Variants in EXOC4 observed in about 807,000 individuals in gnomAD.
EXOC4 encodes SEC8-like 1.
Under a neutral mutation model 107.2 loss-of-function variants are expected in EXOC4, and 71 were observed. The ratio of observed to expected loss-of-function variants is 0.66; its 90% CI spans 0.55 to 0.81. The LOEUF is 0.81. Ranked by LOEUF, EXOC4 falls within the 30% of genes least tolerant of loss-of-function variation. EXOC4 has a pLI of 0.00. For synonymous variants in EXOC4, 456 were observed against 441.2 expected (o/e 1.03, Z -0.42); for missense variants, 1,108 against 1,189.6 (o/e 0.93, Z 1.01).
rs751783828 is a variant in EXOC4 at position 133,917,634 on chromosome 7, AGAT to A, written c.1930_1932del (p.Asp644del). The A allele has an allele frequency of 1.9e-6, 3 of 1,614,104 alleles. No homozygotes were observed. Among genetic ancestry groups the A allele is most frequent in the Admixed American group, 1.7e-5 (1 of 60,026 alleles). On this transcript the variant is annotated inframe_deletion, in exon 13 of 18. Coordinates refer to ENST00000253861, the MANE Select transcript of EXOC4 (RefSeq NM_021807.4). ...TTGTCATCAGTGCATCCTGGGCAAA[AGAT>A]GATGATATCAGCAGACTCTTGAAAT...
chr7:134,026,919 T>C (rs761733784), intron 17 of EXOC4, among the ~76,000 whole-genome samples: 2 of 152,210 alleles, frequency 1.3e-5, no homozygotes, highest in Non-Finnish European at 2.9e-5. Context: ...TCTGAAACTA[T>C]ACATGTAAGA....
At chr7:133,877,418 A>G (rs62470402) in intron 11 of EXOC4, among the ~76,000 whole-genome samples, 16,182 of 152,198 alleles carry the variant, frequency 0.11, 933 homozygotes, top group Middle Eastern at 0.17. Flanking sequence ...AACTTTGGGA[A>G]CACATTTAAG....
downstream of EXOC4, chr7:134,066,399 C>T (rs918308332): frequency 6.6e-6 from 1 of 152,064 alleles, no homozygotes; most frequent in South Asian, 2.1e-4. Context: ...TGTCAAGAGC[C>T]CTGAGAACCA....
intron 9 of EXOC4, among the ~76,000 whole-genome samples, chr7:133,523,644 C>T (rs1030048164): frequency 6.6e-5 from 10 of 150,782 alleles, no homozygotes; most frequent in Non-Finnish European, 1.3e-4. Context: ...TTCCTGTGTA[C>T]GTGTGATCTC....
intron 5 of EXOC4, among the ~76,000 whole-genome samples, chr7:133,333,915 AT>A (rs549975488): frequency 3.3e-4 from 51 of 152,344 alleles, no homozygotes; most frequent in Non-Finnish European, 5.9e-4. Context: ...TGAAAAACAA[AT>A]CTATAAACTT....
chr7:133,631,378 T>G (rs547739784), intron 10 of EXOC4, among the ~76,000 whole-genome samples: 20 of 152,256 alleles, frequency 1.3e-4, no homozygotes, highest in Admixed American at 1.1e-3. Flanking sequence ...TACCTTCTCA[T>G]TAACCGAGAC....
intron 9 of EXOC4, among the ~76,000 whole-genome samples, chr7:133,494,988 T>G (rs1415129814): frequency 6.6e-6 from 1 of 152,106 alleles, no homozygotes; most frequent in Non-Finnish European, 1.5e-5. Context: ...TTAAAAAAAT[T>G]GGGCGTGGCA....
intron 7 of EXOC4, among the ~76,000 whole-genome samples, chr7:133,383,873 C>T (rs1387439097): frequency 6.6e-6 from 1 of 152,108 alleles, no homozygotes; most frequent in Admixed American, 6.6e-5. Context: ...ATGTTGTTGG[C>T]CAGGCCATTG....
chr7:133,580,287 A>G lies in EXOC4; in HGVS notation c.1418-49758A>G, dbSNP rs149881367. Among the ~76,000 whole-genome samples, 650 of 152,344 alleles carry G rather than the reference A, an allele frequency of 4.3e-3. 4 individuals carry two copies. The highest frequency in any genetic ancestry group is 7.9e-3 in the Non-Finnish European group (537 of 68,036). On this transcript the variant is annotated intron_variant, in intron 9 of 17. Coordinates refer to ENST00000253861, the MANE Select transcript of EXOC4 (RefSeq NM_021807.4). ...TTTCAGCTTTTGGCTTTTGTGAATA[A>G]TGCTGCTCCACGAACATGGGTATAC...
At chr7:133,855,385 C>T (rs1017115151) in intron 11 of EXOC4, among the ~76,000 whole-genome samples, 7 of 151,468 alleles carry the variant, frequency 4.6e-5, no homozygotes, top group African/African-American at 1.7e-4. Flanking sequence ...TTTCTTCTAT[C>T]GAGAAATGAA....
chr7:133,263,662 G>A (rs1562993417), intron 1 of EXOC4, among the ~76,000 whole-genome samples: 3 of 152,088 alleles, frequency 2.0e-5, no homozygotes, highest in South Asian at 4.2e-4. Flanking sequence ...GATTACATGA[G>A]CCACCGTGCC....
rs1016493481 is a variant in EXOC4 at position 133,301,634 on chromosome 7, G to A, written c.472-4243G>A. 3.9e-5 allele frequency among the ~76,000 whole-genome samples: 6 copies of A among 152,222 alleles called. No homozygotes were observed. The East Asian group carries it at 1.2e-3, about 29-fold the overall frequency. On this transcript the variant is annotated intron_variant, in intron 3 of 17. Coordinates refer to ENST00000253861, the MANE Select transcript of EXOC4 (RefSeq NM_021807.4). ...CAGTGTTGCCAAAATAAGCATTTTC[G>A]TTAGCTACCAGATGGTTTAGTTATC... is the stretch of plus-strand genomic sequence containing the variant.
intron 11 of EXOC4, among the ~76,000 whole-genome samples, chr7:133,875,725 A>G (rs1272702855): frequency 2.0e-5 from 3 of 152,110 alleles, no homozygotes. Flanking sequence ...CACTACCTTC[A>G]CAGCTTCCTG....
At chr7:133,703,105 T>C (rs1241427819) in intron 10 of EXOC4, among the ~76,000 whole-genome samples, 2 of 152,212 alleles carry the variant, frequency 1.3e-5, no homozygotes, top group African/African-American at 4.8e-5. Flanking sequence ...TTTTCTCACT[T>C]GACATGTGAA....
intron 9 of EXOC4, among the ~76,000 whole-genome samples, chr7:133,561,849 G>T (rs1265514094): frequency 6.6e-6 from 1 of 152,240 alleles, no homozygotes; most frequent in African/African-American, 2.4e-5. Flanking sequence ...CAGGGCTAGT[G>T]CCCGCTTTGC....
chr7:133,946,359 C>G (rs1042563149), intron 14 of EXOC4, among the ~76,000 whole-genome samples: 3 of 152,300 alleles, frequency 2.0e-5, no homozygotes, highest in East Asian at 1.9e-4. Flanking sequence ...CCACCCCCTG[C>G]CTGACTCTAA....
chr7:133,507,788 A>G (rs1277915056), intron 9 of EXOC4, among the ~76,000 whole-genome samples: 1 of 152,158 alleles, frequency 6.6e-6, no homozygotes, highest in African/African-American at 2.4e-5. Context: ...TTCTGGTAAA[A>G]TGAAAAATCA....
intron 8 of EXOC4, among the ~76,000 whole-genome samples, chr7:133,478,179 G>A (rs1338780876): frequency 1.4e-5 from 2 of 147,166 alleles, no homozygotes; most frequent in Non-Finnish European, 3.0e-5. Context: ...TTCTAAATAT[G>A]GAATCATTGC....
chr7:134,094,501 A>G, the EXOC4 span, among the ~76,000 whole-genome samples: 2 of 152,174 alleles, frequency 1.3e-5, no homozygotes, highest in African/African-American at 4.8e-5. Flanking sequence ...AAGAGCTGGT[A>G]CCAATTCTGC....
Sources: allele counts gnomAD v4.1 joint callset (sites outside exome capture counted in the v4.1 genomes callset), GRCh38; gene constraint gnomAD v4.1.1; transcripts MANE v1.5; gene names NCBI Gene and HGNC (gene_info 2026-07-23, HGNC 2026-07-21).